Variants in RGS6 observed in about 807,000 individuals in gnomAD.
The protein encoded by RGS6 is regulator of G-protein signaling 6.
RGS6 carries 30 observed loss-of-function variants against 78.5 expected under a neutral mutation model. The observed-to-expected ratio is 0.38, with a 90% CI of 0.29 to 0.52. RGS6 has a LOEUF of 0.52. RGS6 is among the 20% of genes least tolerant of loss of function. The pLI, the probability that RGS6 is intolerant of heterozygous loss-of-function variation, is 0.85. For missense variants in RGS6, 495 were observed against 609.7 expected (o/e 0.81, Z 1.98); for synonymous variants, 206 against 206.0 (o/e 1.00, Z 0.00).
At chr14:72,466,518 G>A (rs1027224450) in intron 7 of RGS6, among the ~76,000 whole-genome samples, 1 of 152,192 alleles carries the variant, frequency 6.6e-6, no homozygotes, top group Non-Finnish European at 1.5e-5. Context: ...TAAACTAACT[G>A]TGGTACATCC....
intron 2 of RGS6, among the ~76,000 whole-genome samples, chr14:72,008,292 T>C (rs1335996355): frequency 6.6e-6 from 1 of 152,072 alleles, no homozygotes; most frequent in Non-Finnish European, 1.5e-5. Context: ...AAGAACCACA[T>C]TCAATTGTTG....
chr14:72,450,563 G>A (rs2095468935), intron 3 of RGS6, among the ~76,000 whole-genome samples: 1 of 152,160 alleles, frequency 6.6e-6, no homozygotes, highest in Non-Finnish European at 1.5e-5. Flanking sequence ...GGATCTGTGG[G>A]AACAAAGGGT....
chr14:72,605,699 G>C, the RGS6 span, among the ~76,000 whole-genome samples: 2 of 152,130 alleles, frequency 1.3e-5, no homozygotes, highest in Non-Finnish European at 2.9e-5. Context: ...TGATACCAAT[G>C]TCCCTCTGCT....
At chr14:72,410,285 T>C (rs968562704) in intron 3 of RGS6, among the ~76,000 whole-genome samples, 4 of 152,252 alleles carry the variant, frequency 2.6e-5, no homozygotes, top group Non-Finnish European at 4.4e-5. Context: ...TGGTATCTCA[T>C]TGTGGTTTTG....
chr14:72,602,500 G>C, the RGS6 span, among the ~76,000 whole-genome samples: 2 of 152,156 alleles, frequency 1.3e-5, no homozygotes, highest in African/African-American at 4.8e-5. Context: ...GCCTGTGAGT[G>C]GCATTGCCAG....
intron 1 of RGS6, among the ~76,000 whole-genome samples, chr14:71,958,503 T>C (rs974467433): frequency 6.6e-6 from 1 of 152,118 alleles, no homozygotes; most frequent in Non-Finnish European, 1.5e-5. Context: ...ATTTTATAGG[T>C]GAAGAAACTA....
At chr14:72,076,675 C>A (rs185512926) in intron 2 of RGS6, among the ~76,000 whole-genome samples, 1 of 151,938 alleles carries the variant, frequency 6.6e-6, no homozygotes, top group African/African-American at 2.4e-5. Context: ...ACTATAGACA[C>A]GTGCCATCAT....
At chr14:71,976,548 G>A (rs1328393639) in intron 2 of RGS6, among the ~76,000 whole-genome samples, 1 of 151,926 alleles carries the variant, frequency 6.6e-6, no homozygotes, top group African/African-American at 2.4e-5. Flanking sequence ...TACTGAGAAT[G>A]ATGATTTCCA....
chr14:72,012,212 A>T (rs1241154516), intron 2 of RGS6, among the ~76,000 whole-genome samples: 1 of 152,188 alleles, frequency 6.6e-6, no homozygotes, highest in East Asian at 1.9e-4. Context: ...TTTAAAAAAA[A>T]TTTAGACAAG....
intron 2 of RGS6, among the ~76,000 whole-genome samples, chr14:71,974,714 G>T (rs2094011478): frequency 6.6e-6 from 1 of 151,908 alleles, no homozygotes; most frequent in African/African-American, 2.4e-5. Context: ...TGGTTATGTA[G>T]GTTTACTCAA....
intron 3 of RGS6, among the ~76,000 whole-genome samples, chr14:72,388,796 C>G (rs919025146): frequency 1.3e-5 from 2 of 152,178 alleles, no homozygotes; most frequent in African/African-American, 4.8e-5. Context: ...TACTTTACTT[C>G]TTTGTGCTTT....
At chr14:72,018,047 A>G (rs562946320) in intron 2 of RGS6, among the ~76,000 whole-genome samples, 6 of 152,236 alleles carry the variant, frequency 3.9e-5, no homozygotes, top group African/African-American at 1.4e-4. Flanking sequence ...TTCTTGTGTT[A>G]GTCTGCTGAG....
At chr14:72,235,718 G>A (rs942719146) in intron 2 of RGS6, among the ~76,000 whole-genome samples, 1 of 152,300 alleles carries the variant, frequency 6.6e-6, no homozygotes, top group East Asian at 1.9e-4. Flanking sequence ...GTCCAACAAT[G>A]TGCTAGTTGA....
At chr14:71,970,124 T>C (rs1157422857) in intron 2 of RGS6, among the ~76,000 whole-genome samples, 1 of 152,210 alleles carries the variant, frequency 6.6e-6, no homozygotes, top group African/African-American at 2.4e-5. Flanking sequence ...ATTTATAAAA[T>C]TATCATTTTG....
At chr14:72,095,305 C>T (rs2095377045) in intron 2 of RGS6, among the ~76,000 whole-genome samples, 1 of 152,116 alleles carries the variant, frequency 6.6e-6, no homozygotes, top group African/African-American at 2.4e-5. Context: ...CTTTTTCTCA[C>T]ATGACACAGA....
Position 72,205,808 on chromosome 14 carries a change from GA to G in RGS6, c.85-146284del, listed in dbSNP as rs981086342. On this transcript the variant is annotated intron_variant, in intron 2 of 17. Coordinates refer to ENST00000553525, the MANE Select transcript of RGS6 (RefSeq NM_001204424.2). ...TTTTCTAAAGTGTGTTCTGCAGACC[GA>G]AATGCTGTTTATTTGCCCACTGACC... Among the ~76,000 whole-genome samples the G allele has an allele frequency of 9.5e-4, 145 of 152,286 alleles. 1 individual carries two copies. Among genetic ancestry groups the G allele is most frequent in the African/African-American group, 3.2e-3 (133 of 41,552 alleles).
chr14:72,455,562 C>G (rs1411525388), intron 4 of RGS6, among the ~76,000 whole-genome samples: 1 of 152,190 alleles, frequency 6.6e-6, no homozygotes, highest in Non-Finnish European at 1.5e-5. Flanking sequence ...TGTTAGAACT[C>G]TGAGTGCCAG....
intron 2 of RGS6, among the ~76,000 whole-genome samples, chr14:72,176,340 C>G (rs535240803): frequency 6.6e-6 from 1 of 152,232 alleles, no homozygotes; most frequent in East Asian, 1.9e-4. Context: ...TAGGGGGTCT[C>G]TACAGAAAGG....
In RGS6 at chr14:72,343,632, C is replaced by T. The variant is rs927901369; in HGVS notation, c.85-8463C>T. Among the ~76,000 whole-genome samples, 8 of 116,300 alleles carry T rather than the reference C, an allele frequency of 6.9e-5. No homozygotes were observed. In the East Asian group the frequency reaches 9.0e-4, roughly 13 times the overall value. 76.3% of individuals were successfully genotyped at this position (116,300 alleles called of 152,430 possible). ...AACTTTGATGCTTATGGCATGGCCC[C>T]GTTTTCGTATCTTCTTCCACTCAGC... On this transcript the variant is annotated intron_variant, in intron 2 of 17. Coordinates refer to ENST00000553525, the MANE Select transcript of RGS6 (RefSeq NM_001204424.2).
Sources: allele counts gnomAD v4.1 joint callset (sites outside exome capture counted in the v4.1 genomes callset), GRCh38; gene constraint gnomAD v4.1.1; transcripts MANE v1.5; gene names NCBI Gene and HGNC (gene_info 2026-07-23, HGNC 2026-07-21).